The following RGL1 variants were observed in gnomAD, a reference collection of about 807,000 sequenced individuals.
RGL1 encodes ral guanine nucleotide dissociation stimulator like 1, also known as ral guanine nucleotide dissociation stimulator-like 1.
In RGL1, 24 loss-of-function variants were observed where a neutral mutation model predicts 95.2. The ratio of observed to expected loss-of-function variants is 0.25; its 90% CI spans 0.18 to 0.35. RGL1 has a LOEUF of 0.35. RGL1 is among the 10% of genes least tolerant of loss of function. The pLI, the probability that RGL1 is intolerant of heterozygous loss-of-function variation, is 1.00. For synonymous variants in RGL1, 329 were observed against 344.9 expected (o/e 0.95, Z 0.51); for missense variants, 715 against 936.3 (o/e 0.76, Z 3.08).
At chr1:183,851,630 C>A (rs539287166) in intron 3 of RGL1, among the ~76,000 whole-genome samples, 2 of 152,252 alleles carry the variant, frequency 1.3e-5, no homozygotes, top group African/African-American at 4.8e-5. Flanking sequence ...AGATGAAGTT[C>A]TAACATGTTC....
intron 2 of RGL1, among the ~76,000 whole-genome samples, chr1:183,818,909 A>AAT (rs1662266433): frequency 6.6e-6 from 1 of 152,204 alleles, no homozygotes; most frequent in South Asian, 2.1e-4. Context: ...CTTTTGCCTC[A>AAT]TCTTTGTCAT....
intron 1 of RGL1, among the ~76,000 whole-genome samples, chr1:183,644,939 G>T (rs1002315555): frequency 1.3e-5 from 2 of 152,148 alleles, no homozygotes; most frequent in South Asian, 4.1e-4. Flanking sequence ...ACAGGAGCTG[G>T]TCATAGAGGT....
intron 8 of RGL1, among the ~76,000 whole-genome samples, chr1:183,891,432 G>C (rs1463711311): frequency 1.3e-5 from 2 of 152,148 alleles, no homozygotes; most frequent in African/African-American, 4.8e-5. Context: ...CCCTTGTAGA[G>C]GTGAGAACAT....
chr1:183,699,606 C>A (rs1654462738), intron 1 of RGL1, among the ~76,000 whole-genome samples: 1 of 152,112 alleles, frequency 6.6e-6, no homozygotes, highest in African/African-American at 2.4e-5. Flanking sequence ...CCTTCTATCC[C>A]CAGCTAGAGC....
Position 183,845,564 on chromosome 1 carries a change from T to G in RGL1, c.139-2002T>G, listed in dbSNP as rs191117476. Among the ~76,000 whole-genome samples, 928 of 152,334 alleles carry G rather than the reference T, an allele frequency of 6.1e-3. 8 individuals are homozygous for G. Among genetic ancestry groups the G allele is most frequent in the Non-Finnish European group, 8.2e-3 (555 of 68,030 alleles). The stretch of plus-strand genomic sequence containing the variant: ...GTGAGTAAATGTCTTCTTTTAGACT[T>G]TGCAAGTTTCCAGAAGGCAGGGTCA... On this transcript the variant is annotated intron_variant, in intron 2 of 17. Transcript: ENST00000360851.
At position 183,691,448 on chromosome 1, in the gene RGL1, T is replaced by G. The variant is rs117885939; in HGVS notation, c.-32-50678T>G. Reference sequence around the variant, plus strand: ...GGAAGGAAAGAGATCTATGAAAAAATAAGCTGTTCCTTTGTTTCCTGGCTT... The same window carrying G: ...GGAAGGAAAGAGATCTATGAAAAAAGAAGCTGTTCCTTTGTTTCCTGGCTT... On this transcript the variant is annotated intron_variant, in intron 1 of 18. Coordinates refer to the RGL1 transcript ENST00000304685. Among the ~76,000 whole-genome samples, 643 of 152,248 alleles carry G rather than the reference T, an allele frequency of 4.2e-3. 12 individuals are homozygous for G. In the East Asian group the frequency reaches 0.05, roughly 12 times the overall value.
intron 8 of RGL1, 107 bp downstream of exon 8, chr1:183,888,684 G>A: frequency 1.4e-6 from 1 of 709,180 alleles, no homozygotes; most frequent in East Asian, 2.5e-5. Flanking sequence ...AAACATATTT[G>A]AAATCCTCTG....
At chr1:183,913,899 A>G (rs1004865229) in intron 15 of RGL1, among the ~76,000 whole-genome samples, 3 of 152,204 alleles carry the variant, frequency 2.0e-5, no homozygotes, top group South Asian at 4.1e-4. Context: ...AGGGGATACA[A>G]TCATTCATGC....
At chr1:183,878,708 G>T (rs1558266676) in intron 4 of RGL1, among the ~76,000 whole-genome samples, 1 of 152,168 alleles carries the variant, frequency 6.6e-6, no homozygotes, top group Non-Finnish European at 1.5e-5. Flanking sequence ...AGGCATTTAA[G>T]AAGTGAATAA....
intron 1 of RGL1, among the ~76,000 whole-genome samples, chr1:183,640,241 A>C (rs1649834979): frequency 1.3e-5 from 2 of 152,116 alleles, no homozygotes; most frequent in South Asian, 2.1e-4. Context: ...TTTTAGAGGA[A>C]GAGATGCTGT....
In RGL1 at chr1:183,847,850, C is replaced by A. The variant is rs1664548376; in HGVS notation, c.347+76C>A. 5.6e-6 allele frequency: 6 copies of A among 1,072,616 alleles called. No homozygotes were observed. In the East Asian group the frequency reaches 1.4e-4, roughly 25 times the overall value. 66.4% of individuals were successfully genotyped at this position (1,072,616 alleles called of 1,614,324 possible). On this transcript the variant is annotated intron_variant, in intron 3 of 17. Coordinates refer to ENST00000360851, the MANE Select transcript of RGL1 (RefSeq NM_001297671.3). ...GAGTGGAGCACGAGGTTCTGAATCA[C>A]CTGCACTTGGTATTCGGAGAGAGAT...
At chr1:183,643,792 T>C (rs1650105368) in intron 1 of RGL1, among the ~76,000 whole-genome samples, 1 of 152,168 alleles carries the variant, frequency 6.6e-6, no homozygotes, top group South Asian at 2.1e-4. Flanking sequence ...TGCCTGATGA[T>C]ATATTAATTC....
chr1:183,875,871 CA>C lies in RGL1; in HGVS notation c.426-4724del, dbSNP rs375478958. 8.3e-3 allele frequency among the ~76,000 whole-genome samples: 824 copies of C among 99,406 alleles called. 3 individuals carry two copies. The highest frequency in any genetic ancestry group is 0.017 in the Middle Eastern group (3 of 180). The allele number at this position is 99,406 out of a possible 152,430, so 65.2% of individuals were successfully genotyped here. A position where few individuals can be genotyped will look rare whatever the true frequency, so the allele number is the denominator to read the frequency against. ...TCCAGCCTGGGCGACAGCTCTGTCT[CA>C]AAAAAAAAAAAAAAAAAAAATCAAT... On this transcript the variant is annotated intron_variant, in intron 4 of 17. Transcript: ENST00000360851.
chr1:183,685,428 G>C (rs141949975), intron 1 of RGL1, among the ~76,000 whole-genome samples: 1 of 152,040 alleles, frequency 6.6e-6, no homozygotes, highest in Non-Finnish European at 1.5e-5. Flanking sequence ...TAAGACTTTG[G>C]GTTTATATAA....
intron 1 of RGL1, among the ~76,000 whole-genome samples, chr1:183,682,398 T>G (rs1367901912): frequency 1.3e-5 from 2 of 152,226 alleles, no homozygotes; most frequent in Non-Finnish European, 2.9e-5. Flanking sequence ...AAGAACATCT[T>G]TATTTCTGCC....
intron 1 of RGL1, among the ~76,000 whole-genome samples, chr1:183,651,882 C>T (rs1650779960): frequency 6.6e-6 from 1 of 152,188 alleles, no homozygotes; most frequent in Non-Finnish European, 1.5e-5. Flanking sequence ...CTCCTCCTTG[C>T]TTAGCCTTCA....
intron 1 of RGL1, among the ~76,000 whole-genome samples, chr1:183,688,729 C>T (rs1219659322): frequency 6.6e-6 from 1 of 151,956 alleles, no homozygotes; most frequent in Non-Finnish European, 1.5e-5. Context: ...GTCCCCTTTC[C>T]AGATATTGGA....
rs932366238 is a variant in RGL1 at position 183,902,444 on chromosome 1, A to G, written c.1318-124A>G. On this transcript the variant is annotated intron_variant, in intron 11 of 17. Transcript: ENST00000360851. ...CTCTTCTTCCACAGTAGTCGTAATTATAGGATCATTGATAATTGTGACTTT... is the reference window on the plus strand; with the variant it reads ...CTCTTCTTCCACAGTAGTCGTAATTGTAGGATCATTGATAATTGTGACTTT... The G allele has an allele frequency of 4.5e-6, 3 of 666,524 alleles. No individual in the cohort carries two copies. The African/African-American group carries it at 5.5e-5, about 12-fold the overall frequency. The allele number at this position is 666,524 out of a possible 1,614,324, so 41.3% of individuals were successfully genotyped here.
chr1:183,668,935 C>CTTTTTTTTTTTTTTTTT lies in RGL1; in HGVS notation c.-33+32438_-33+32439insTTTTTTTTTTTTTTTTT, dbSNP rs551008973. Among the ~76,000 whole-genome samples, 2 of 115,556 alleles carry CTTTTTTTTTTTTTTTTT rather than the reference C, an allele frequency of 1.7e-5. 1 individual carries two copies. Among genetic ancestry groups the CTTTTTTTTTTTTTTTTT allele is most frequent in the Non-Finnish European group, 3.6e-5 (2 of 55,460 alleles). The allele number at this position is 115,556 out of a possible 152,430, so 75.8% of individuals were successfully genotyped here. On this transcript the variant is annotated intron_variant, in intron 1 of 18. Transcript: ENST00000304685. ...CTTTTTGCTTTTGGTATTGGACTTTCTTTTCTTTTTTTTTTTTTTTGAGAT... is the reference window on the plus strand; with the variant it reads ...CTTTTTGCTTTTGGTATTGGACTTTCTTTTTTTTTTTTTTTTTTTTTCTTTTTTTTTTTTTTTGAGAT...
Sources: allele counts gnomAD v4.1 joint callset (sites outside exome capture counted in the v4.1 genomes callset), GRCh38; gene constraint gnomAD v4.1.1; transcripts MANE v1.5; gene names NCBI Gene and HGNC (gene_info 2026-07-23, HGNC 2026-07-21).